FAM117B: variants seen among roughly 807,000 people sequenced by gnomAD.
FAM117B encodes family with sequence similarity 117 member B.
In FAM117B, 22 loss-of-function variants were observed where a neutral mutation model predicts 52.8. That is an observed-to-expected ratio of 0.42 (90% CI 0.30 to 0.59). The LOEUF is 0.59. Among genes scored for constraint, FAM117B ranks in the 20% least tolerant of loss-of-function variants. The pLI is 0.22. For missense variants in FAM117B, 678 were observed against 802.6 expected, an observed-to-expected ratio of 0.84 and a Z score of 1.88; for synonymous variants, 309 against 324.1, an observed-to-expected ratio of 0.95 and a Z score of 0.50.
In FAM117B at chr2:202,714,367, T is replaced by G. The variant is rs115160185; in HGVS notation, c.754-10550T>G. 8.5e-3 allele frequency among the ~76,000 whole-genome samples: 1,287 copies of G among 152,240 alleles called. 21 individuals carry two copies. The highest frequency in any genetic ancestry group is 0.029 in the African/African-American group (1,216 of 41,540). On this transcript the variant is annotated intron_variant, in intron 2 of 7. Transcript: ENST00000392238. ...GAGTCTGATTTTTTTGTTGTTGATT[T>G]TATGTATAAATGAACTGTTCAGTAC...
At position 202,709,902 on chromosome 2, in the gene FAM117B, C is replaced by A. The variant is rs539153851; in HGVS notation, c.753+13870C>A. 1.1e-3 allele frequency among the ~76,000 whole-genome samples: 175 copies of A among 152,294 alleles called. 1 individual carries two copies. Among genetic ancestry groups the A allele is most frequent in the Admixed American group, 4.6e-3 (71 of 15,294 alleles). On this transcript the variant is annotated intron_variant, in intron 2 of 7. Transcript: ENST00000392238. ...ACCATTTGTTGAAGAGACTGTCCTT[C>A]CCCCATTGGCACCCTCATTGAAGAT...
At chr2:202,712,465 T>C (rs1431638351) in intron 2 of FAM117B, among the ~76,000 whole-genome samples, 1 of 149,614 alleles carries the variant, frequency 6.7e-6, no homozygotes, top group African/African-American at 2.5e-5. Flanking sequence ...CTTTAGGTGT[T>C]TCCAAATATA....
At chr2:202,705,636 T>G (rs1326200417) in intron 2 of FAM117B, among the ~76,000 whole-genome samples, 1 of 152,222 alleles carries the variant, frequency 6.6e-6, no homozygotes, top group African/African-American at 2.4e-5. Flanking sequence ...AGAGCTACAA[T>G]GTCACCAACC....
chr2:202,680,083 G>C (rs1690440018), intron 1 of FAM117B, among the ~76,000 whole-genome samples: 2 of 152,176 alleles, frequency 1.3e-5, no homozygotes, highest in African/African-American at 4.8e-5. Context: ...GTTAACAGCA[G>C]ACAACAGCAG....
chr2:202,716,180 G>A (rs1691052852), intron 2 of FAM117B, among the ~76,000 whole-genome samples: 1 of 152,090 alleles, frequency 6.6e-6, no homozygotes, highest in Non-Finnish European at 1.5e-5. Flanking sequence ...TCAAATCTGT[G>A]TTGTCTAAAT....
chr2:202,733,052 G>A (rs960837904), intron 4 of FAM117B, among the ~76,000 whole-genome samples: 2 of 152,042 alleles, frequency 1.3e-5, no homozygotes, highest in African/African-American at 4.8e-5. Flanking sequence ...TAAAGAGAAA[G>A]AGTACAAAGA....
chr2:202,749,018 CACTGG>C, intron 4 of FAM117B, among the ~76,000 whole-genome samples: 1 of 151,692 alleles, frequency 6.6e-6, no homozygotes, highest in African/African-American at 2.4e-5. Context: ...GGAATGAGAG[CACTGG>C]TAGTTTATGA....
At chr2:202,675,191 A>G (rs1206066552) in intron 1 of FAM117B, among the ~76,000 whole-genome samples, 1 of 151,540 alleles carries the variant, frequency 6.6e-6, no homozygotes, top group Non-Finnish European at 1.5e-5. Context: ...GTGCCACTAC[A>G]CTCCAGCCTG....
At chr2:202,731,809 C>T (rs1055789119) in intron 4 of FAM117B, among the ~76,000 whole-genome samples, 1 of 151,688 alleles carries the variant, frequency 6.6e-6, no homozygotes, top group Non-Finnish European at 1.5e-5. Context: ...GATCTTGGCT[C>T]ATTGCAATCT....
chr2:202,635,351 C>A lies in FAM117B; in HGVS notation c.164C>A (p.Thr55Lys). ...QQQQQQHGSP[T>K]RSGGGGGGNN... Reference sequence around the variant, plus strand: ...CAGCAGCAGCAACATGGCAGCCCCACGCGGAGCGGCGGCGGCGGCGGCGGC... The same window carrying A: ...CAGCAGCAGCAACATGGCAGCCCCAAGCGGAGCGGCGGCGGCGGCGGCGGC... Residue 55 changes from threonine (T) to lysine (K), a missense_variant, in exon 1 of 8, where the codon ACG becomes AAG. By Grantham distance (78) the Thr-to-Lys change is moderately conservative. Transcript: ENST00000392238. The A allele has an allele frequency of 7.4e-7, 1 of 1,349,972 alleles. No individual in the cohort carries two copies. The highest frequency in any genetic ancestry group is 9.5e-7 in the Non-Finnish European group (1 of 1,050,166). The allele number at this position is 1,349,972 out of a possible 1,614,324, so 83.6% of individuals were successfully genotyped here.
intron 1 of FAM117B, among the ~76,000 whole-genome samples, chr2:202,657,495 T>G (rs1449668708): frequency 6.6e-6 from 1 of 151,082 alleles, no homozygotes; most frequent in Non-Finnish European, 1.5e-5. Context: ...AGGTGTGCTG[T>G]TTTTTTTTGG....
rs955594470 is a variant in FAM117B, at chr2:202,668,445, G to A, written c.602-27436G>A. ...TCGGAGGCTGAGGCAGGAGAATTGCGTAAACCTGAGAAGTGGAGGTTGCAG... is the reference window on the plus strand; with the variant it reads ...TCGGAGGCTGAGGCAGGAGAATTGCATAAACCTGAGAAGTGGAGGTTGCAG... On this transcript the variant is annotated intron_variant, in intron 1 of 7. Transcript: ENST00000392238. 2.5e-4 allele frequency among the ~76,000 whole-genome samples: 35 copies of A among 140,368 alleles called. 1 individual carries two copies. Among genetic ancestry groups the A allele is most frequent in the Non-Finnish European group, 3.8e-4 (25 of 65,782 alleles). 92.1% of individuals were successfully genotyped at this position (140,368 alleles called of 152,430 possible).
chr2:202,661,001 C>G (rs1458802895), intron 1 of FAM117B, among the ~76,000 whole-genome samples: 3 of 152,312 alleles, frequency 2.0e-5, no homozygotes, highest in Middle Eastern at 6.8e-3. Flanking sequence ...CCATTGGCCA[C>G]AAAGAAAGTG....
At chr2:202,729,592 C>G (rs1291478215) in intron 4 of FAM117B, among the ~76,000 whole-genome samples, 2 of 152,004 alleles carry the variant, frequency 1.3e-5, no homozygotes, top group Non-Finnish European at 2.9e-5. Flanking sequence ...TATGAGTAAA[C>G]AGTTAATTAT....
chr2:202,652,437 G>T (rs933453710), intron 1 of FAM117B, among the ~76,000 whole-genome samples: 4 of 152,150 alleles, frequency 2.6e-5, no homozygotes, highest in African/African-American at 9.7e-5. Context: ...ACTTTGTGCA[G>T]AGCAGGATGT....
intron 1 of FAM117B, among the ~76,000 whole-genome samples, chr2:202,673,431 C>CTTTTTTTTTTT (rs1690327997): frequency 3.2e-5 from 1 of 31,188 alleles, no homozygotes; most frequent in Non-Finnish European, 5.9e-5. Context: ...TTTTCTTTTT[C>CTTTTTTTTTTT]TGTTTTTTTT....
In FAM117B at chr2:202,650,787, GGCCGGAAGACTCA is replaced by G. The variant is rs1349681108; in HGVS notation, c.601+15002_601+15014del. 3.9e-5 allele frequency among the ~76,000 whole-genome samples: 6 copies of G among 152,188 alleles called. No individual in the cohort carries two copies. In the South Asian group the frequency reaches 1.2e-3, roughly 32 times the overall value. ...GCATCCAGCACGGGAGAAAGATGAA[GGCCGGAAGACTCA>G]GCAAGTCCGCTCTTCCAAGATCTTC... On this transcript the variant is annotated intron_variant, in intron 1 of 7. Transcript: ENST00000392238.
chr2:202,664,345 A>G (rs1178893456), intron 1 of FAM117B, among the ~76,000 whole-genome samples: 1 of 152,150 alleles, frequency 6.6e-6, no homozygotes, highest in African/African-American at 2.4e-5. Flanking sequence ...TAGCTTGGCA[A>G]CATAGTAGAA....
At chr2:202,759,718 C>T (rs1341859652) in intron 7 of FAM117B, among the ~76,000 whole-genome samples, 3 of 152,040 alleles carry the variant, frequency 2.0e-5, no homozygotes, top group East Asian at 3.8e-4. Flanking sequence ...CCACCACGCC[C>T]GGCTAATTTT....
Sources: gnomAD v4.1 joint callset for allele counts (sites outside exome capture counted in the v4.1 genomes callset) on GRCh38, gnomAD v4.1.1 for gene constraint, MANE v1.5 for transcripts, NCBI Gene and HGNC (gene_info 2026-07-23, HGNC 2026-07-21) for gene names.